Variants in DYNC1I1 observed in about 807,000 individuals in gnomAD.
DYNC1I1 encodes dynein cytoplasmic 1 intermediate chain 1.
Under a neutral mutation model 86.6 loss-of-function variants are expected in DYNC1I1, and 43 were observed. The observed-to-expected ratio is 0.50, with a 90% CI of 0.39 to 0.64. The LOEUF is 0.64. Among genes scored for constraint, DYNC1I1 ranks in the 30% least tolerant of loss-of-function variants. The probability of loss-of-function intolerance (pLI) is 0.00; values close to 1 mark genes in which losing one functional copy is unlikely to be tolerated. For missense variants in DYNC1I1, 604 were observed against 788.8 expected (o/e 0.77, Z 2.81); for synonymous variants, 262 against 283.7 (o/e 0.92, Z 0.77).
intron 6 of DYNC1I1, among the ~76,000 whole-genome samples, chr7:95,879,550 G>C (rs1030383663): frequency 3.9e-5 from 6 of 152,180 alleles, no homozygotes; most frequent in African/African-American, 1.4e-4. Flanking sequence ...AAAGAGTCAT[G>C]CTTAGCTCTT....
intron 6 of DYNC1I1, among the ~76,000 whole-genome samples, chr7:95,882,068 T>C (rs1281465188): frequency 6.6e-6 from 1 of 152,136 alleles, no homozygotes; most frequent in African/African-American, 2.4e-5. Context: ...TCCTTTCCTA[T>C]TTCCTTCAGT....
chr7:95,873,041 A>T (rs746956573), intron 6 of DYNC1I1, among the ~76,000 whole-genome samples: 1 of 152,194 alleles, frequency 6.6e-6, no homozygotes. Context: ...TGGGGGAATG[A>T]GAATTTCTTA....
intron 10 of DYNC1I1, among the ~76,000 whole-genome samples, chr7:96,017,728 T>C (rs1464208819): frequency 1.3e-5 from 2 of 152,202 alleles, no homozygotes; most frequent in Non-Finnish European, 2.9e-5. Flanking sequence ...CTTTTCATAA[T>C]AATAAATAAT....
At chr7:95,992,750 G>T (rs1487248232) in intron 9 of DYNC1I1, among the ~76,000 whole-genome samples, 1 of 152,046 alleles carries the variant, frequency 6.6e-6, no homozygotes, top group Non-Finnish European at 1.5e-5. Context: ...CTCCCGAGTA[G>T]CTGGGATTAC....
At chr7:95,993,901 T>A (rs901161059) in intron 9 of DYNC1I1, among the ~76,000 whole-genome samples, 3 of 152,188 alleles carry the variant, frequency 2.0e-5, no homozygotes, top group African/African-American at 7.2e-5. Flanking sequence ...ATAATCCTGA[T>A]ACTATTTTTA....
At chr7:96,075,408 T>C (rs926546535) in intron 14 of DYNC1I1, among the ~76,000 whole-genome samples, 1 of 152,116 alleles carries the variant, frequency 6.6e-6, no homozygotes, top group Non-Finnish European at 1.5e-5. Flanking sequence ...GCCACACCAG[T>C]TCAACTGATT....
chr7:96,006,123 A>T (rs1794136054), intron 10 of DYNC1I1, among the ~76,000 whole-genome samples: 1 of 152,210 alleles, frequency 6.6e-6, no homozygotes, highest in Admixed American at 6.6e-5. Context: ...CATGGAGAAA[A>T]TGTGTTAGCC....
chr7:96,004,646 GCACACACACACA>G (rs34562315), intron 10 of DYNC1I1, among the ~76,000 whole-genome samples: 21 of 146,142 alleles, frequency 1.4e-4, no homozygotes, highest in African/African-American at 2.0e-4. Flanking sequence ...ATAAATGCAT[GCACACACACACA>G]CACACACACA....
chr7:96,106,260 C>T (rs1453026455), intron 16 of DYNC1I1, among the ~76,000 whole-genome samples: 5 of 151,832 alleles, frequency 3.3e-5, no homozygotes, highest in African/African-American at 1.2e-4. Flanking sequence ...AGGGTGGGCA[C>T]GGTGGCTCAC....
chr7:95,976,870 G>A (rs1040815701), intron 6 of DYNC1I1, among the ~76,000 whole-genome samples: 2 of 152,162 alleles, frequency 1.3e-5, no homozygotes, highest in Admixed American at 1.3e-4. Context: ...GAAGGGCACT[G>A]TAACATCTGG....
intron 14 of DYNC1I1, among the ~76,000 whole-genome samples, chr7:96,049,591 G>A (rs942266101): frequency 6.6e-6 from 1 of 152,104 alleles, no homozygotes; most frequent in African/African-American, 2.4e-5. Context: ...TAGGATTAGT[G>A]ATAGCCTCAC....
intron 5 of DYNC1I1, among the ~76,000 whole-genome samples, chr7:95,839,161 G>A (rs766309560): frequency 3.3e-5 from 5 of 152,076 alleles, no homozygotes; most frequent in Non-Finnish European, 5.9e-5. Context: ...CTCCCAAGTA[G>A]CTGGGACTAT....
At chr7:95,922,214 A>G (rs1278845306) in intron 6 of DYNC1I1, among the ~76,000 whole-genome samples, 1 of 151,884 alleles carries the variant, frequency 6.6e-6, no homozygotes, top group Non-Finnish European at 1.5e-5. Context: ...TTTTAATATT[A>G]GTGTGTGTAA....
chr7:95,928,884 T>C (rs1192233615), intron 6 of DYNC1I1, among the ~76,000 whole-genome samples: 2 of 152,162 alleles, frequency 1.3e-5, no homozygotes, highest in Admixed American at 6.5e-5. Context: ...GTGGTGGTTC[T>C]TGCTGTTTTC....
Position 95,874,572 on chromosome 7 carries a change from T to C in DYNC1I1, c.490+4574T>C, listed in dbSNP as rs1272060022. Among the ~76,000 whole-genome samples, 4 of 152,074 alleles carry C rather than the reference T, an allele frequency of 2.6e-5. No individual in the cohort carries two copies. The East Asian group carries it at 7.7e-4, about 29-fold the overall frequency. On this transcript the variant is annotated intron_variant, in intron 6 of 16. Coordinates refer to ENST00000447467, the MANE Select transcript of DYNC1I1 (RefSeq NM_001135556.2). ...AATACGACTATGTTTGTAAATAGGGTTTTTAGGAGGTAATTAAGGTTAAAT... is the reference window on the plus strand; with the variant it reads ...AATACGACTATGTTTGTAAATAGGGCTTTTAGGAGGTAATTAAGGTTAAAT...
chr7:96,055,349 G>A (rs962401603), intron 14 of DYNC1I1, among the ~76,000 whole-genome samples: 2 of 151,328 alleles, frequency 1.3e-5, no homozygotes, highest in East Asian at 1.9e-4. Flanking sequence ...CATGGCATGG[G>A]TATACCTATG....
intron 1 of DYNC1I1, among the ~76,000 whole-genome samples, chr7:95,795,392 C>T (rs1332941879): frequency 6.6e-6 from 1 of 151,724 alleles, no homozygotes; most frequent in East Asian, 1.9e-4. Flanking sequence ...TTATATAATC[C>T]TTGAAGTTCT....
intron 6 of DYNC1I1, among the ~76,000 whole-genome samples, chr7:95,925,862 T>C (rs1791731740): frequency 6.6e-6 from 1 of 152,188 alleles, no homozygotes; most frequent in Non-Finnish European, 1.5e-5. Context: ...TCTTCTTTAG[T>C]TTTTCTTTTT....
chr7:95,973,572 C>G (rs1199184812), intron 6 of DYNC1I1, among the ~76,000 whole-genome samples: 1 of 152,136 alleles, frequency 6.6e-6, no homozygotes, highest in Non-Finnish European at 1.5e-5. Context: ...TCTGGGGAAG[C>G]ATTTTCCATT....
Sources: allele counts gnomAD v4.1 joint callset (sites outside exome capture counted in the v4.1 genomes callset), GRCh38; gene constraint gnomAD v4.1.1; transcripts MANE v1.5; gene names NCBI Gene and HGNC (gene_info 2026-07-23, HGNC 2026-07-21).